Variants in SORL1 observed in about 807,000 individuals in gnomAD.
SORL1 encodes the protein sortilin related receptor 1.
In SORL1, 127 loss-of-function variants were observed where a neutral mutation model predicts 273.7. The ratio of observed to expected loss-of-function variants is 0.46; its 90% CI spans 0.40 to 0.54. SORL1 has a LOEUF of 0.54. SORL1 is among the 20% of genes least tolerant of loss of function. The pLI, the probability that SORL1 is intolerant of heterozygous loss-of-function variation, is 0.00. For synonymous variants in SORL1, 1,031 were observed against 1,067.4 expected, an observed-to-expected ratio of 0.97 and a Z score of 0.66; for missense variants, 2,494 against 2,846.1, an observed-to-expected ratio of 0.88 and a Z score of 2.81.
intron 19 of SORL1, 29 bp from the exon 20 acceptor site, chr11:121,558,562 G>A (rs2134909213): frequency 2.5e-6 from 4 of 1,613,176 alleles, no homozygotes; most frequent in African/African-American, 2.7e-5. Context: ...GTATTGATGA[G>A]GTATGTGTTC....
chr11:121,525,814 T>C (rs755554101), intron 11 of SORL1, among the ~76,000 whole-genome samples: 5 of 152,176 alleles, frequency 3.3e-5, no homozygotes, highest in Non-Finnish European at 5.9e-5. Context: ...TTCGGACGGC[T>C]GAGGTAAGAG....
chr11:121,624,976 G>A (rs752102347), intron 45 of SORL1, 109 bp from the exon 46 acceptor site: 141 of 739,292 alleles, frequency 1.9e-4, no homozygotes, highest in Middle Eastern at 1.0e-3. Flanking sequence ...GGGCGCTTTC[G>A]CGTCTGTAGC....
chr11:121,486,853 T>C (rs1861480564), intron 3 of SORL1, among the ~76,000 whole-genome samples: 2 of 152,066 alleles, frequency 1.3e-5, no homozygotes. Flanking sequence ...CCCAACTACC[T>C]GGGAGGCTGA....
At chr11:121,591,225 C>T in intron 31 of SORL1, 69 bp downstream of exon 31, 1 of 1,558,938 alleles carries the variant, frequency 6.4e-7, no homozygotes, top group Middle Eastern at 2.0e-4. Flanking sequence ...GGGGTGTGCT[C>T]TGGGCACAAT....
intron 26 of SORL1, 98 bp downstream of exon 26, chr11:121,583,681 C>T (rs1863048986): frequency 7.4e-7 from 1 of 1,350,844 alleles, no homozygotes; most frequent in Non-Finnish European, 9.9e-7. Context: ...TGCTGTTCTC[C>T]TATGCCTGTA....
chr11:121,462,376 C>G (rs536307388), intron 1 of SORL1, among the ~76,000 whole-genome samples: 131 of 152,242 alleles, frequency 8.6e-4, no homozygotes, highest in Non-Finnish European at 1.6e-3. Context: ...CTTTTCCATC[C>G]CCTTTTCCCT....
chr11:121,556,139 C>T (rs941163514), intron 18 of SORL1, among the ~76,000 whole-genome samples: 3 of 152,178 alleles, frequency 2.0e-5, no homozygotes, highest in Non-Finnish European at 4.4e-5. Context: ...TTCATATATT[C>T]GCACAACCAT....
intron 23 of SORL1, among the ~76,000 whole-genome samples, chr11:121,572,056 C>T (rs1862852435): frequency 6.6e-6 from 1 of 152,148 alleles, no homozygotes; most frequent in African/African-American, 2.4e-5. Flanking sequence ...TTAGAATTAA[C>T]AAGTTACAAG....
chr11:121,492,804 T>C (rs1201346012), intron 5 of SORL1, among the ~76,000 whole-genome samples: 1 of 78,398 alleles, frequency 1.3e-5, no homozygotes, highest in Non-Finnish European at 2.3e-5. Context: ...TGCTTAAGGG[T>C]CATTTTTTTT....
chr11:121,531,998 A>G (rs1345813658), intron 11 of SORL1, among the ~76,000 whole-genome samples: 1 of 152,162 alleles, frequency 6.6e-6, no homozygotes, highest in African/African-American at 2.4e-5. Context: ...AATCTCCACA[A>G]GCGGCTTGCT....
At chr11:121,622,943 C>T (rs149851164) in intron 45 of SORL1, among the ~76,000 whole-genome samples, 5 of 152,294 alleles carry the variant, frequency 3.3e-5, no homozygotes, top group Non-Finnish European at 5.9e-5. Flanking sequence ...CTATGGCTAC[C>T]TGGAGATGCA....
chr11:121,627,790 G>A lies in SORL1; in HGVS notation c.6577+23G>A. The A allele has an allele frequency of 6.4e-7, 1 of 1,572,070 alleles. No individual in the cohort carries two copies. The highest frequency in any genetic ancestry group is 8.7e-7 in the Non-Finnish European group (1 of 1,145,852). The stretch of plus-strand genomic sequence containing the variant: ...TGGGTAAGTGGGGCAGGGAGAGTCG[G>A]TTCTTCCTCCCAGGGCTGACCCCCA... On this transcript the variant is annotated intron_variant, in intron 47 of 47. Transcript: ENST00000260197. This position sits in a 1 kb window ranked among gnomAD's most constrained non-coding sequence, Gnocchi z 4.9.
Position 121,563,016 on chromosome 11 carries a change from C to A in SORL1, c.3049+3359C>A, listed in dbSNP as rs187832115. On this transcript the variant is annotated intron_variant, in intron 21 of 47. Coordinates refer to ENST00000260197, the MANE Select transcript of SORL1 (RefSeq NM_003105.6). This position sits in a 1 kb window ranked among gnomAD's most constrained non-coding sequence, Gnocchi z 4.2. ...TTGAGGGGTTGCTGTGTTATAAGTA[C>A]CACAGTAATGTGCTTTGTGGGCTTG... 6.6e-6 allele frequency among the ~76,000 whole-genome samples: 1 copy of A among 152,254 alleles called. No homozygotes were observed. The highest frequency in any genetic ancestry group is 2.4e-5 in the African/African-American group (1 of 41,540).
chr11:121,544,420 T>G (rs551107841), intron 13 of SORL1, among the ~76,000 whole-genome samples: 5 of 152,218 alleles, frequency 3.3e-5, no homozygotes, highest in Non-Finnish European at 7.3e-5. Flanking sequence ...TGCATAACTT[T>G]GTGTCTGTCA....
chr11:121,520,175 A>G (rs1013906113), intron 8 of SORL1, among the ~76,000 whole-genome samples: 1 of 152,100 alleles, frequency 6.6e-6, no homozygotes, highest in Admixed American at 6.6e-5. Context: ...ATCATTGAGG[A>G]TCATCTGAGT....
chr11:121,496,790 A>C, intron 5 of SORL1, 79 bp from the exon 6 acceptor site: 1 of 1,220,896 alleles, frequency 8.2e-7, no homozygotes, highest in Non-Finnish European at 1.1e-6. Context: ...ACTCTAGTTG[A>C]TTATCCCATT....
At chr11:121,574,124 T>C in intron 23 of SORL1, 117 bp from the exon 24 acceptor site, 1 of 1,005,366 alleles carries the variant, frequency 9.9e-7, no homozygotes, top group Admixed American at 2.1e-5. Context: ...TTAATTTCTG[T>C]TGCTACAATT....
chr11:121,609,105 C>G (rs1251109518), intron 38 of SORL1: 1 of 152,234 alleles, frequency 6.6e-6, no homozygotes, highest in Non-Finnish European at 1.5e-5. Context: ...GTTTTCCTGA[C>G]CTTAGCCTTG....
chr11:121,595,691 C>T lies in SORL1; in HGVS notation c.4438C>T (p.Gln1480Ter). Residue 1480 changes from glutamine (Q) to a stop codon, truncating the protein, a stop_gained, in exon 32 of 48, where the codon CAA (glutamine) becomes TAA (stop). Transcript: ENST00000260197. LOFTEE classifies it high-confidence loss of function. The surrounding 1 kb of genome is among the most constrained non-coding windows in gnomAD (Gnocchi z 5.1). ...TGACCGATTTGAGTTCGAATGCCACCAACCGAAGACGTGTATTCCCAACTG... is the reference window on the plus strand; with the variant it reads ...TGACCGATTTGAGTTCGAATGCCACTAACCGAAGACGTGTATTCCCAACTG... ...RCDRFEFECH[Q>*]PKTCIPNWKR... The T allele has an allele frequency of 6.2e-7, 1 of 1,613,982 alleles. No homozygotes were observed. Among genetic ancestry groups the T allele is most frequent in the Non-Finnish European group, 8.5e-7 (1 of 1,179,958 alleles).
Sources: gnomAD v4.1 joint callset for allele counts (sites outside exome capture counted in the v4.1 genomes callset) on GRCh38, gnomAD v4.1.1 for gene constraint, Gnocchi (gnomAD v3.1) non-coding constraint, MANE v1.5 for transcripts, NCBI Gene and HGNC (gene_info 2026-07-23, HGNC 2026-07-21) for gene names.